Variants in DIAPH2 observed in about 807,000 individuals in gnomAD.
DIAPH2 encodes protein diaphanous homolog 2.
A neutral mutation model predicts 92.7 loss-of-function variants in DIAPH2; 35 were observed. The observed-to-expected ratio is 0.38, with a 90% CI of 0.29 to 0.50. The LOEUF is 0.50. DIAPH2 is among the 20% of genes least tolerant of loss of function. The probability of loss-of-function intolerance (pLI) is 0.94; values close to 1 mark genes in which losing one functional copy is unlikely to be tolerated. For missense variants in DIAPH2, 701 were observed against 819.5 expected, an observed-to-expected ratio of 0.86 and a Z score of 1.77; for synonymous variants, 301 against 280.4, an observed-to-expected ratio of 1.07 and a Z score of -0.73.
At chrX:97,476,963 A>T (rs1235925725) in intron 26 of DIAPH2, among the ~76,000 whole-genome samples, 1 of 59,152 alleles carries the variant, frequency 1.7e-5, no homozygotes, top group Non-Finnish European at 3.2e-5. Flanking sequence ...AAAAAAAAAA[A>T]AAAAAATATA....
chrX:96,857,945 C>T (rs1211097416), intron 4 of DIAPH2, among the ~76,000 whole-genome samples: 1 of 111,975 alleles, frequency 8.9e-6, no homozygotes, highest in East Asian at 2.8e-4. Context: ...TATTTTTTAT[C>T]CAGTAGAGGG....
chrX:97,275,537 C>T lies in DIAPH2; in HGVS notation c.2844+27698C>T, dbSNP rs1229803347. The stretch of plus-strand genomic sequence containing the variant: ...CTTCTCAGACGGGGCGGCTGCCGGG[C>T]GGAGGGGCTCCTCACTTCTCAGACG... On this transcript the variant is annotated intron_variant, in intron 23 of 26. Transcript: ENST00000324765. Among the ~76,000 whole-genome samples the T allele has an allele frequency of 3.2e-3, 309 of 98,065 alleles. 2 individuals carry two copies. Among genetic ancestry groups the T allele is most frequent in the South Asian group, 0.025 (46 of 1,830 alleles). 85.2% of individuals were successfully genotyped at this position (98,065 alleles called of 115,157 possible). A position where few individuals can be genotyped will look rare whatever the true frequency, so the allele number is the denominator to read the frequency against.
At chrX:96,761,165 T>C (rs1395114034) in intron 4 of DIAPH2, among the ~76,000 whole-genome samples, 2 of 111,336 alleles carry the variant, frequency 1.8e-5, no homozygotes, top group East Asian at 5.6e-4. Context: ...ACAGCACATA[T>C]AGACATTTAT....
At chrX:97,368,018 G>A (rs776078471) in intron 24 of DIAPH2, among the ~76,000 whole-genome samples, 2 of 112,136 alleles carry the variant, frequency 1.8e-5, no homozygotes, top group African/African-American at 3.2e-5. Context: ...GCCCTCTATC[G>A]GTAAGTTATC....
intron 26 of DIAPH2, among the ~76,000 whole-genome samples, chrX:97,528,030 G>T (rs1236507879): frequency 2.7e-5 from 3 of 111,279 alleles, no homozygotes; most frequent in African/African-American, 9.8e-5. Flanking sequence ...AGAAGAGGGG[G>T]CTTATATGCA....
chrX:96,798,116 G>A (rs773083290), intron 4 of DIAPH2, among the ~76,000 whole-genome samples: 1 of 112,311 alleles, frequency 8.9e-6, no homozygotes, highest in African/African-American at 3.2e-5. Flanking sequence ...ACTGTATCTC[G>A]TTTGGGATTC....
chrX:97,078,772 G>A (rs1336473966), intron 19 of DIAPH2, among the ~76,000 whole-genome samples: 1 of 110,822 alleles, frequency 9.0e-6, no homozygotes, highest in Non-Finnish European at 1.9e-5. Flanking sequence ...GTGAACTGTA[G>A]GGTAGGGTGG....
intron 4 of DIAPH2, among the ~76,000 whole-genome samples, chrX:96,876,470 T>C (rs1194315091): frequency 8.9e-5 from 10 of 111,941 alleles, no homozygotes; most frequent in Non-Finnish European, 1.1e-4. Flanking sequence ...TGTATGTTTA[T>C]TGTGGCACTA....
At chrX:97,578,239 A>T (rs1257786117) in intron 26 of DIAPH2, among the ~76,000 whole-genome samples, 1 of 108,109 alleles carries the variant, frequency 9.2e-6, no homozygotes, top group African/African-American at 3.4e-5. Flanking sequence ...TTACATACGT[A>T]TACATGTGCC....
chrX:96,962,496 CATATATATAT>C (rs761811314), intron 16 of DIAPH2, among the ~76,000 whole-genome samples: 1 of 44,763 alleles, frequency 2.2e-5, no homozygotes, highest in African/African-American at 8.9e-5. Flanking sequence ...CACACACACA[CATATATATAT>C]ATATATATAT....
chrX:96,934,239 T>G (rs982953802), intron 10 of DIAPH2, among the ~76,000 whole-genome samples: 1 of 111,888 alleles, frequency 8.9e-6, no homozygotes, highest in African/African-American at 3.2e-5. Context: ...CCACTGGAAT[T>G]TATAGTAACA....
chrX:97,270,475 A>G (rs369250220), intron 23 of DIAPH2, among the ~76,000 whole-genome samples: 43 of 111,951 alleles, frequency 3.8e-4, no homozygotes, highest in African/African-American at 1.4e-3. Context: ...GTTTGAACCA[A>G]ATGAGTCAGG....
chrX:96,787,393 G>C (rs1281192160), intron 4 of DIAPH2, among the ~76,000 whole-genome samples: 1 of 110,381 alleles, frequency 9.1e-6, no homozygotes, highest in Non-Finnish European at 1.9e-5. Flanking sequence ...AAAAATCATG[G>C]GTGATTTTTT....
intron 24 of DIAPH2, among the ~76,000 whole-genome samples, chrX:97,355,866 A>G (rs1313706927): frequency 8.9e-6 from 1 of 111,904 alleles, no homozygotes; most frequent in Non-Finnish European, 1.9e-5. Context: ...TTGCTCACCA[A>G]TCAGCAACTG....
In DIAPH2 at chrX:96,925,523, A is replaced by G. The variant is rs141073129; in HGVS notation, c.979-5210A>G. Among the ~76,000 whole-genome samples, 882 of 110,994 alleles carry G rather than the reference A, an allele frequency of 7.9e-3. 8 individuals are homozygous for G. The highest frequency in any genetic ancestry group is 0.028 in the African/African-American group (849 of 30,561). ...ATTTTTAATTTCAGAGCATTGTTAC[A>G]TCTCACTGTTTTATCCTTTCCCTAT... On this transcript the variant is annotated intron_variant, in intron 9 of 26. Transcript: ENST00000324765.
intron 22 of DIAPH2, among the ~76,000 whole-genome samples, chrX:97,225,273 C>A (rs2067956142): frequency 9.0e-6 from 1 of 111,175 alleles, no homozygotes; most frequent in South Asian, 3.8e-4. Context: ...AATTAGATTT[C>A]TTCATGAATG....
chrX:97,455,099 A>G (rs1448401697), intron 26 of DIAPH2, among the ~76,000 whole-genome samples: 1 of 112,023 alleles, frequency 8.9e-6, no homozygotes, highest in Non-Finnish European at 1.9e-5. Context: ...ATATTTCTAT[A>G]CAAAATGGCT....
At chrX:97,546,262 G>C (rs1387199789) in intron 26 of DIAPH2, among the ~76,000 whole-genome samples, 1 of 111,733 alleles carries the variant, frequency 8.9e-6, no homozygotes, top group Non-Finnish European at 1.9e-5. Flanking sequence ...TATTACCAGA[G>C]AGGTGCTAAC....
chrX:96,916,744 C>G (rs368543746), intron 8 of DIAPH2, among the ~76,000 whole-genome samples, 170 bp downstream of exon 8: 150 of 110,878 alleles, frequency 1.4e-3, no homozygotes, highest in African/African-American at 4.7e-3. Flanking sequence ...TCTTTGTTGA[C>G]ATTATAGAAA....
Sources: gnomAD v4.1 joint callset for allele counts (sites outside exome capture counted in the v4.1 genomes callset) on GRCh38, gnomAD v4.1.1 for gene constraint, MANE v1.5 for transcripts, NCBI Gene and HGNC (gene_info 2026-07-23, HGNC 2026-07-21) for gene names.